The following MAGI1 variants were observed in gnomAD, a reference collection of about 807,000 sequenced individuals.
MAGI1 encodes membrane associated guanylate kinase, WW and PDZ domain containing 1.
A neutral mutation model predicts 139.9 loss-of-function variants in MAGI1; 58 were observed. That is an observed-to-expected ratio of 0.41 (90% CI 0.34 to 0.52). MAGI1 has a LOEUF of 0.52. Ranked by LOEUF, MAGI1 falls within the 20% of genes least tolerant of loss-of-function variation. The pLI, the probability that MAGI1 is intolerant of heterozygous loss-of-function variation, is 0.12. For missense variants in MAGI1, 1,874 were observed against 1,901.6 expected, an observed-to-expected ratio of 0.99 and a Z score of 0.27; for synonymous variants, 812 against 737.9, an observed-to-expected ratio of 1.10 and a Z score of -1.63.
chr3:65,835,031 G>A (rs74420491), intron 1 of MAGI1, among the ~76,000 whole-genome samples: 7,509 of 152,128 alleles, frequency 0.049, 335 homozygotes, highest in South Asian at 0.23. Flanking sequence ...TTTAGTCCAC[G>A]CTGCCAATCT....
chr3:65,798,876 G>A (rs1053770315), intron 1 of MAGI1, among the ~76,000 whole-genome samples: 1 of 152,140 alleles, frequency 6.6e-6, no homozygotes, highest in African/African-American at 2.4e-5. Context: ...AGGGGAACCG[G>A]CCTTTAGGAC....
chr3:65,796,105 T>C (rs76633268), intron 1 of MAGI1, among the ~76,000 whole-genome samples: 4,334 of 149,468 alleles, frequency 0.029, 85 homozygotes, highest in Non-Finnish European at 0.041. Flanking sequence ...TTCACAGGAC[T>C]GCGGAGGATG....
intron 1 of MAGI1, among the ~76,000 whole-genome samples, chr3:65,751,513 T>G (rs1382909923): frequency 6.6e-6 from 1 of 152,236 alleles, no homozygotes; most frequent in Non-Finnish European, 1.5e-5. Flanking sequence ...GATAAGCCGC[T>G]TTCTAAAAAA....
chr3:65,356,615 G>C lies in MAGI1; in HGVS notation c.4152C>G (p.Pro1384=), dbSNP rs538884768. ...LERLLEQRRS[P]ERRRGGSPER... The stretch of plus-strand genomic sequence containing the variant: ...CGGGCGAGCCCCCTCTCCTGCGCTC[G>C]GGGGACCTCCTCTGCTCCAGGAGTC... Residue 1384 remains proline (P), a synonymous_variant, in exon 23 of 23, where the codon CCC becomes CCG. Transcript: ENST00000402939. 1.3e-5 allele frequency: 21 copies of C among 1,593,934 alleles called. No individual in the cohort carries two copies. The highest frequency in any genetic ancestry group is 3.4e-4 in the Middle Eastern group (2 of 5,922).
rs117882311 is a variant in MAGI1 at position 65,362,431 on chromosome 3, T to C, written c.3495+1034A>G. Reference sequence around the variant, plus strand: ...TATCTGAAATTTCAAACAAAAAAAATATGTACCACCATGTATCTCCCCTTG... The same window carrying C: ...TATCTGAAATTTCAAACAAAAAAAACATGTACCACCATGTATCTCCCCTTG... On this transcript the variant is annotated intron_variant, in intron 21 of 22. Transcript: ENST00000402939. Among the ~76,000 whole-genome samples the C allele has an allele frequency of 1.4e-3, 206 of 152,096 alleles. 7 individuals carry two copies. The East Asian group carries it at 0.035, about 26-fold the overall frequency.
intron 13 of MAGI1, among the ~76,000 whole-genome samples, chr3:65,393,703 C>A (rs1158934409): frequency 1.3e-5 from 2 of 152,104 alleles, no homozygotes; most frequent in Non-Finnish European, 2.9e-5. Flanking sequence ...TTAATAGATG[C>A]CAGATTGATT....
At chr3:65,451,637 C>T (rs7616251) in intron 6 of MAGI1, among the ~76,000 whole-genome samples, 1,540 of 152,150 alleles carry the variant, frequency 0.01, 12 homozygotes, top group Middle Eastern at 0.02. Context: ...ATTTTGGAGC[C>T]TGTTGTTGCT....
chr3:65,622,356 G>A (rs1349536847), intron 1 of MAGI1, among the ~76,000 whole-genome samples: 1 of 152,102 alleles, frequency 6.6e-6, no homozygotes, highest in Non-Finnish European at 1.5e-5. Flanking sequence ...TTTAATGTAG[G>A]CTATTACATT....
chr3:65,792,006 T>C (rs2039805765), intron 1 of MAGI1, among the ~76,000 whole-genome samples: 2 of 152,170 alleles, frequency 1.3e-5, no homozygotes, highest in East Asian at 3.9e-4. Flanking sequence ...CCATGAATAA[T>C]ACCCAAGTCT....
chr3:65,486,144 T>C (rs1276806948), intron 3 of MAGI1, among the ~76,000 whole-genome samples: 5 of 152,166 alleles, frequency 3.3e-5, no homozygotes, highest in Admixed American at 6.6e-5. Context: ...CCCCAAAAAT[T>C]ATACCATTGG....
chr3:65,905,798 A>G (rs2061412222), intron 1 of MAGI1, among the ~76,000 whole-genome samples: 1 of 152,220 alleles, frequency 6.6e-6, no homozygotes, highest in African/African-American at 2.4e-5. Context: ...AACTTAGTTG[A>G]GGACTGCACT....
At chr3:65,617,980 A>G (rs2083460246) in intron 2 of MAGI1, among the ~76,000 whole-genome samples, 1 of 152,158 alleles carries the variant, frequency 6.6e-6, no homozygotes, top group Non-Finnish European at 1.5e-5. Context: ...GGCATGAAGG[A>G]GGTCACGGAG....
intron 2 of MAGI1, among the ~76,000 whole-genome samples, chr3:65,521,427 G>A (rs954594773): frequency 3.3e-5 from 5 of 152,258 alleles, no homozygotes; most frequent in African/African-American, 1.2e-4. Context: ...AATAGCCCAC[G>A]ATTTAGGAGC....
At chr3:65,503,075 C>G (rs2077147384) in intron 2 of MAGI1, among the ~76,000 whole-genome samples, 1 of 152,090 alleles carries the variant, frequency 6.6e-6, no homozygotes. Context: ...ACTGCCCCCT[C>G]CCCACTCCCA....
intron 1 of MAGI1, among the ~76,000 whole-genome samples, chr3:65,979,101 C>T (rs1254720024): frequency 1.7e-5 from 2 of 114,552 alleles, no homozygotes; most frequent in South Asian, 7.4e-4. Flanking sequence ...CCCCCCCCGC[C>T]ACCCCCCACA....
At chr3:65,422,782 G>A (rs972305996) in intron 12 of MAGI1, among the ~76,000 whole-genome samples, 2 of 152,102 alleles carry the variant, frequency 1.3e-5, no homozygotes, top group Admixed American at 6.6e-5. Flanking sequence ...TAACCTCCGA[G>A]CCGAGGCCTG....
At chr3:65,797,520 C>T (rs1418215033) in intron 1 of MAGI1, among the ~76,000 whole-genome samples, 2 of 152,088 alleles carry the variant, frequency 1.3e-5, no homozygotes, top group East Asian at 1.9e-4. Context: ...CCCCAGAGTT[C>T]GAGACCAGCC....
intron 2 of MAGI1, among the ~76,000 whole-genome samples, chr3:65,499,429 C>T (rs890635473): frequency 6.6e-6 from 1 of 152,170 alleles, no homozygotes; most frequent in African/African-American, 2.4e-5. Flanking sequence ...GTGGCCAGAT[C>T]ACGAGGTCAG....
intron 5 of MAGI1, among the ~76,000 whole-genome samples, chr3:65,457,004 T>A (rs1949441482): frequency 6.6e-6 from 1 of 152,192 alleles, no homozygotes; most frequent in South Asian, 2.1e-4. Context: ...TCATTCTTCC[T>A]TTTTGTAATT....
Sources: gnomAD v4.1 joint callset for allele counts (sites outside exome capture counted in the v4.1 genomes callset) on GRCh38, gnomAD v4.1.1 for gene constraint, MANE v1.5 for transcripts, NCBI Gene and HGNC (gene_info 2026-07-23, HGNC 2026-07-21) for gene names.